ATM: variants seen among roughly 807,000 people sequenced by gnomAD.
ATM encodes ATM serine/threonine kinase.
A neutral mutation model predicts 387.0 loss-of-function variants in ATM; 308 were observed. That is an observed-to-expected ratio of 0.80 (90% CI 0.73 to 0.87). ATM has a LOEUF of 0.87. ATM is among the 40% of genes least tolerant of loss of function. The pLI is 0.00. For synonymous variants in ATM, 1,156 were observed against 1,187.3 expected (o/e 0.97, Z 0.54); for missense variants, 3,312 against 3,560.9 (o/e 0.93, Z 1.78).
intron 16 of ATM, among the ~76,000 whole-genome samples, chr11:108,259,911 A>G (rs998798561): frequency 6.6e-6 from 1 of 151,856 alleles, no homozygotes; most frequent in African/African-American, 2.4e-5. Flanking sequence ...ATCATTTTCC[A>G]TGTCACTGTA....
intron 22 of ATM, among the ~76,000 whole-genome samples, chr11:108,276,655 C>T (rs1200068162): frequency 6.6e-6 from 1 of 152,148 alleles, no homozygotes; most frequent in African/African-American, 2.4e-5. Context: ...GCTGGAGGTC[C>T]ACTCCAGACC....
intron 39 of ATM, among the ~76,000 whole-genome samples, chr11:108,311,445 C>T (rs545735688): frequency 1.3e-5 from 2 of 152,226 alleles, no homozygotes; most frequent in South Asian, 4.1e-4. Flanking sequence ...CATGTAATCC[C>T]AGCACTTTGG....
chr11:108,249,102 G>A lies in ATM; in HGVS notation c.1235G>A (p.Trp412Ter), dbSNP rs587779813. The A allele has an allele frequency of 3.7e-6, 6 of 1,613,576 alleles. No individual in the cohort carries two copies. The highest frequency in any genetic ancestry group is 5.1e-6 in the Non-Finnish European group (6 of 1,179,892). ...CAGAATGATTTTGATCTTGTGCCTT[G>A]GTAAAGTGTTACCATTTTCTCATTC... ...KSQNDFDLVP[W>*]LQIATQLISK... The change falls in exon 9 of 63, where the codon TGG becomes TAG. Residue 412 changes from tryptophan to a stop codon, truncating the protein, a stop_gained and splice_region_variant. Transcript: ENST00000675843. LOFTEE classifies it high-confidence loss of function.
intron 18 of ATM, among the ~76,000 whole-genome samples, chr11:108,270,186 C>G (rs192857351): frequency 3.6e-4 from 55 of 152,196 alleles, no homozygotes; most frequent in African/African-American, 1.2e-3. Flanking sequence ...TTGCAGCAGC[C>G]CTTTCTGTGC....
At chr11:108,229,445 GAT>G in intron 4 of ATM, 122 bp downstream of exon 4, 1 of 1,005,394 alleles carries the variant, frequency 9.9e-7, no homozygotes, top group Non-Finnish European at 1.5e-6. Context: ...AATAGAATAA[GAT>G]AAAAGTTGAG....
chr11:108,260,378 G>GT (rs1435850057), intron 16 of ATM, among the ~76,000 whole-genome samples: 1 of 152,098 alleles, frequency 6.6e-6, no homozygotes, highest in African/African-American at 2.4e-5. Flanking sequence ...GTGGTTTCTA[G>GT]TTTTTTGGGT....
chr11:108,248,830 G>C (rs2135286517), intron 8 of ATM, 103 bp from the exon 9 acceptor site: 1 of 964,026 alleles, frequency 1.0e-6, no homozygotes, highest in East Asian at 2.6e-5. Flanking sequence ...AGAGGTTGTG[G>C]TGATACGAGA....
rs756987454 is a variant in ATM, at chr11:108,295,060, G to A, written c.4909+1G>A. On this transcript the variant is annotated splice_donor_variant, in intron 32 of 62. Transcript: ENST00000675843. LOFTEE classifies it high-confidence loss of function. ...GTGGACATTATGAGAGCTTCTCAGG[G>A]TGCTAATTTTAAATGACATGGGCTA... 1.9e-6 allele frequency: 3 copies of A among 1,613,756 alleles called. No homozygotes were observed. The highest frequency in any genetic ancestry group is 1.1e-5 in the South Asian group (1 of 91,066).
At chr11:108,357,799 C>G (rs1185728103) in intron 61 of ATM, among the ~76,000 whole-genome samples, 1 of 151,980 alleles carries the variant, frequency 6.6e-6, no homozygotes, top group South Asian at 2.1e-4. Context: ...ATCTGTACAT[C>G]ACCATCATCA....
chr11:108,332,892 C>T lies in ATM; in HGVS notation c.7919C>T (p.Thr2640Ile), dbSNP rs4988125. Residue 2640 changes from threonine (T) to isoleucine (I), a missense_variant, in exon 53 of 63, where the codon ACT becomes ATT. Transcript: ENST00000675843. ...AACTTAGATGCCACTCAGTGGAAGA[C>T]TCAGAGAAGTATGTTTTTTTTAAAG... ...LANLDATQWK[T>I]QRKGINIPAD... is the part of the protein sequence containing the mutation. 2.3e-4 allele frequency: 369 copies of T among 1,612,228 alleles called. No homozygotes were observed. Among genetic ancestry groups the T allele is most frequent in the Non-Finnish European group, 3.1e-4 (361 of 1,179,650 alleles).
intron 61 of ATM, among the ~76,000 whole-genome samples, chr11:108,362,358 A>C (rs937720021): frequency 2.6e-5 from 4 of 151,448 alleles, no homozygotes; most frequent in Non-Finnish European, 4.4e-5. Flanking sequence ...GTGGGACTGT[A>C]AACTAGTTCA....
intron 7 of ATM, among the ~76,000 whole-genome samples, chr11:108,245,880 A>C (rs1198852024): frequency 5.6e-5 from 8 of 144,022 alleles, no homozygotes; most frequent in Admixed American, 2.9e-4. Flanking sequence ...GCTGAAGTGC[A>C]GTGACGCAAT....
intron 57 of ATM, 112 bp downstream of exon 57, chr11:108,343,483 T>C: frequency 7.7e-7 from 1 of 1,299,398 alleles, no homozygotes; most frequent in Non-Finnish European, 1.1e-6. Context: ...ATCAGGTAAT[T>C]GTCAAAGATA....
At chr11:108,337,585 C>G (rs899101097) in intron 56 of ATM, among the ~76,000 whole-genome samples, 3 of 152,184 alleles carry the variant, frequency 2.0e-5, no homozygotes, top group Admixed American at 6.5e-5. Context: ...TATGTTGATG[C>G]TGCACTGGTC....
At chr11:108,357,543 C>T (rs2090146462) in intron 61 of ATM, among the ~76,000 whole-genome samples, 3 of 152,174 alleles carry the variant, frequency 2.0e-5, no homozygotes, top group Admixed American at 2.0e-4. Flanking sequence ...TTAAATGTCC[C>T]TGTCTGACAG....
Position 108,267,345 on chromosome 11 carries a change from A to G in ATM, c.2638+3A>G, listed in dbSNP as rs876660552. ...TGGAGAGAGCCAAAGTACCATAGGTAAATACATATTTACTACTTGGGATTT... is the reference window on the plus strand; with the variant it reads ...TGGAGAGAGCCAAAGTACCATAGGTGAATACATATTTACTACTTGGGATTT... On this transcript the variant is annotated splice_donor_region_variant and intron_variant, in intron 17 of 62. Coordinates refer to ENST00000675843, the MANE Select transcript of ATM (RefSeq NM_000051.4). 5.0e-6 allele frequency: 8 copies of G among 1,613,614 alleles called. No homozygotes were observed. The East Asian group carries it at 6.7e-5, about 13-fold the overall frequency.
intron 60 of ATM, 49 bp from the exon 61 acceptor site, chr11:108,354,762 C>T: frequency 6.8e-7 from 1 of 1,478,132 alleles, no homozygotes; most frequent in East Asian, 2.3e-5. Flanking sequence ...GATACGTTGA[C>T]AACATTGGTG....
At chr11:108,234,123 C>G (rs1186655346) in intron 4 of ATM, among the ~76,000 whole-genome samples, 1 of 152,014 alleles carries the variant, frequency 6.6e-6, no homozygotes, top group African/African-American at 2.4e-5. Context: ...GTTACAAGGA[C>G]TATAAGAGAA....
At chr11:108,236,729 T>C (rs1341829577) in intron 5 of ATM, among the ~76,000 whole-genome samples, 1 of 152,168 alleles carries the variant, frequency 6.6e-6, no homozygotes, top group East Asian at 1.9e-4. Flanking sequence ...ACCCAGTGAT[T>C]CATTAGATGT....
Sources: gnomAD v4.1 joint callset for allele counts (sites outside exome capture counted in the v4.1 genomes callset) on GRCh38, gnomAD v4.1.1 for gene constraint, MANE v1.5 for transcripts, NCBI Gene and HGNC (gene_info 2026-07-23, HGNC 2026-07-21) for gene names.